The following SNTG1 variants were observed in gnomAD, a reference collection of about 807,000 sequenced individuals.
SNTG1 encodes syntrophin gamma 1, also known as gamma-1-syntrophin.
In SNTG1, 39 loss-of-function variants were observed where a neutral mutation model predicts 74.7. The observed-to-expected ratio is 0.52, with a 90% CI of 0.40 to 0.68. The LOEUF (loss-of-function observed/expected upper bound fraction) is 0.68, where lower values mean the gene tolerates loss of function less well. SNTG1 is among the 30% of genes least tolerant of loss of function. SNTG1 has a pLI of 0.00. For synonymous variants in SNTG1, 254 were observed against 217.1 expected (o/e 1.17, Z -1.49); for missense variants, 685 against 609.5 (o/e 1.12, Z -1.30).
intron 1 of SNTG1, among the ~76,000 whole-genome samples, chr8:50,089,879 C>A (rs2079651797): frequency 6.6e-6 from 1 of 152,152 alleles, no homozygotes; most frequent in Non-Finnish European, 1.5e-5. Context: ...ACTAGAAATA[C>A]CATTTGACCC....
intron 1 of SNTG1, among the ~76,000 whole-genome samples, chr8:50,050,719 G>A (rs1467251183): frequency 1.3e-5 from 2 of 151,746 alleles, no homozygotes; most frequent in East Asian, 3.9e-4. Context: ...TAAAAACCAG[G>A]CAAATATATC....
chr8:50,513,033 C>A (rs1452750674), intron 9 of SNTG1, among the ~76,000 whole-genome samples: 1 of 152,080 alleles, frequency 6.6e-6, no homozygotes, highest in African/African-American at 2.4e-5. Flanking sequence ...TGTTTTTTCC[C>A]CATCTTTATG....
chr8:49,940,638 T>C (rs2129374507), intron 1 of SNTG1, among the ~76,000 whole-genome samples: 1 of 152,320 alleles, frequency 6.6e-6, no homozygotes, highest in African/African-American at 2.4e-5. Flanking sequence ...AATGACGTTT[T>C]GTAAATACTT....
chr8:50,174,657 T>TA (rs2082929886), intron 2 of SNTG1, among the ~76,000 whole-genome samples: 1 of 152,154 alleles, frequency 6.6e-6, no homozygotes, highest in African/African-American at 2.4e-5. Context: ...GTACTTCAAA[T>TA]AAAATCTCAT....
intron 18 of SNTG1, among the ~76,000 whole-genome samples, chr8:50,764,206 T>C (rs969891110): frequency 6.6e-6 from 1 of 151,830 alleles, no homozygotes; most frequent in African/African-American, 2.4e-5. Flanking sequence ...GTCTGGGCAA[T>C]GACTTTTTGG....
intron 17 of SNTG1, among the ~76,000 whole-genome samples, chr8:50,736,087 C>T (rs1368471531): frequency 6.6e-6 from 1 of 151,910 alleles, no homozygotes; most frequent in African/African-American, 2.4e-5. Context: ...ATTTTGTCAC[C>T]ACCAGGCCTG....
At chr8:50,319,076 T>C (rs1311700658) in intron 2 of SNTG1, among the ~76,000 whole-genome samples, 2 of 152,092 alleles carry the variant, frequency 1.3e-5, no homozygotes, top group Non-Finnish European at 2.9e-5. Context: ...ATACATATAA[T>C]GTATTTCTTC....
chr8:49,973,876 C>T (rs117795306), intron 1 of SNTG1, among the ~76,000 whole-genome samples: 15 of 152,252 alleles, frequency 9.9e-5, no homozygotes, highest in Middle Eastern at 3.4e-3. Context: ...GCTATAGTAA[C>T]GACATTAAGT....
chr8:50,076,272 T>C (rs1821877504), intron 1 of SNTG1, among the ~76,000 whole-genome samples: 2 of 152,106 alleles, frequency 1.3e-5, no homozygotes, highest in Admixed American at 1.3e-4. Flanking sequence ...GATTGTTCTT[T>C]AGGTAACATA....
Position 50,155,460 on chromosome 8 carries a change from G to GA in SNTG1, c.-102-17092dup, listed in dbSNP as rs965428305. On this transcript the variant is annotated intron_variant, in intron 1 of 18. Transcript: ENST00000642720. ...AAAAGTTAAAACCACAACAGTTATA[G>GA]AAAAAAAAATGGAAGAAAATATTTG... Among the ~76,000 whole-genome samples the GA allele has an allele frequency of 3.8e-4, 57 of 149,526 alleles. 1 individual carries two copies. In the South Asian group the frequency reaches 4.2e-3, roughly 11 times the overall value.
At chr8:50,376,756 T>TATATAGAGAGAGAGAGAGAGAGAG (rs1381048539) in intron 2 of SNTG1, among the ~76,000 whole-genome samples, 5 of 89,986 alleles carry the variant, frequency 5.6e-5, no homozygotes, top group South Asian at 4.2e-4. Flanking sequence ...TATATATATA[T>TATATAGAGAGAGAGAGAGAGAGAG]AGAGAGAGAG....
intron 12 of SNTG1, among the ~76,000 whole-genome samples, chr8:50,573,979 A>G (rs2094563159): frequency 6.6e-6 from 1 of 152,034 alleles, no homozygotes; most frequent in Non-Finnish European, 1.5e-5. Flanking sequence ...ATAAAATAGG[A>G]TGATCTTAAT....
chr8:49,932,521 A>G (rs570457036), intron 1 of SNTG1, among the ~76,000 whole-genome samples: 41 of 152,184 alleles, frequency 2.7e-4, no homozygotes, highest in African/African-American at 9.9e-4. Flanking sequence ...GTTTCTATCC[A>G]TCTCAAACTA....
At chr8:49,983,542 C>G (rs547248587) in intron 1 of SNTG1, among the ~76,000 whole-genome samples, 1 of 152,210 alleles carries the variant, frequency 6.6e-6, no homozygotes, top group Admixed American at 6.5e-5. Flanking sequence ...TATGAGATCA[C>G]AGCTTACATA....
Position 50,548,051 on chromosome 8 carries a change from C to A in SNTG1, c.681-4999C>A, listed in dbSNP as rs530099064. Among the ~76,000 whole-genome samples, 33 of 152,288 alleles carry A rather than the reference C, an allele frequency of 2.2e-4. No individual in the cohort carries two copies. The East Asian group carries it at 4.1e-3, about 19-fold the overall frequency. On this transcript the variant is annotated intron_variant, in intron 11 of 18. Transcript: ENST00000642720. Reference sequence around the variant, plus strand: ...GAGGGTAGAAAGGTAACAAAGTAGACAAGAGCAACTAAGGACCTTGGGGTC... The same window carrying A: ...GAGGGTAGAAAGGTAACAAAGTAGAAAAGAGCAACTAAGGACCTTGGGGTC...
At chr8:50,594,965 A>G (rs374511632) in intron 13 of SNTG1, among the ~76,000 whole-genome samples, 12 of 151,942 alleles carry the variant, frequency 7.9e-5, no homozygotes, top group East Asian at 1.9e-4. Context: ...ATACCCTAAA[A>G]TTTATAATCT....
In SNTG1 at chr8:50,595,020, ATGTGTGTG is replaced by A. The variant is rs57799690; in HGVS notation, c.849+4133_849+4140del. Among the ~76,000 whole-genome samples the A allele has an allele frequency of 9.3e-3, 1,377 of 147,776 alleles. 18 individuals carry two copies. Among genetic ancestry groups the A allele is most frequent in the African/African-American group, 0.026 (1,055 of 40,308 alleles). Reference sequence around the variant, plus strand: ...TCATGAAATTTTAGCTTTATTGAAGATGTGTGTGTGTGTGTGTGTGTGTGTGTGTGTGT... The same window carrying A: ...TCATGAAATTTTAGCTTTATTGAAGATGTGTGTGTGTGTGTGTGTGTGTGT... On this transcript the variant is annotated intron_variant, in intron 13 of 18. Transcript: ENST00000642720.
chr8:50,660,290 A>G (rs1450728979), intron 15 of SNTG1, among the ~76,000 whole-genome samples: 1 of 147,504 alleles, frequency 6.8e-6, no homozygotes, highest in Admixed American at 6.7e-5. Flanking sequence ...AGGAAAGAAG[A>G]AAGAAAGAGA....
intron 17 of SNTG1, among the ~76,000 whole-genome samples, chr8:50,714,152 T>C (rs1261232050): frequency 6.6e-6 from 1 of 151,738 alleles, no homozygotes; most frequent in African/African-American, 2.4e-5. Flanking sequence ...TGTAGATGTG[T>C]GGTGTTATTT....
Sources: gnomAD v4.1 joint callset for allele counts (sites outside exome capture counted in the v4.1 genomes callset) on GRCh38, gnomAD v4.1.1 for gene constraint, MANE v1.5 for transcripts, NCBI Gene and HGNC (gene_info 2026-07-23, HGNC 2026-07-21) for gene names.